EML4: variants seen among roughly 807,000 people sequenced by gnomAD.
EML4 encodes the protein echinoderm microtubule-associated protein-like 4.
EML4 carries 72 observed loss-of-function variants against 129.0 expected under a neutral mutation model. The observed-to-expected ratio is 0.56, with a 90% CI of 0.46 to 0.68. The LOEUF (loss-of-function observed/expected upper bound fraction) is 0.68. Among genes scored for constraint, EML4 ranks in the 30% least tolerant of loss-of-function variants. The pLI, the probability that EML4 is intolerant of heterozygous loss-of-function variation, is 0.00. For missense variants in EML4, 1,363 were observed against 1,190.6 expected, an observed-to-expected ratio of 1.14 and a Z score of -2.13; for synonymous variants, 532 against 405.0, an observed-to-expected ratio of 1.31 and a Z score of -3.77.
intron 1 of EML4, among the ~76,000 whole-genome samples, chr2:42,186,089 G>A (rs1287290993): frequency 6.6e-6 from 1 of 152,094 alleles, no homozygotes; most frequent in Non-Finnish European, 1.5e-5. Flanking sequence ...TCTTTAAAAA[G>A]TCTATGCTTT....
At chr2:42,172,554 T>C (rs1475391110) in intron 1 of EML4, among the ~76,000 whole-genome samples, 1 of 152,206 alleles carries the variant, frequency 6.6e-6, no homozygotes, top group Non-Finnish European at 1.5e-5. Context: ...TTCAGGCAAC[T>C]TGGCTGGCAG....
intron 6 of EML4, among the ~76,000 whole-genome samples, chr2:42,265,356 C>T (rs978302023): frequency 3.3e-5 from 5 of 152,292 alleles, no homozygotes; most frequent in South Asian, 2.1e-4. Context: ...CAGCCCGCCT[C>T]AGCCTCCCAA....
intron 2 of EML4, among the ~76,000 whole-genome samples, chr2:42,249,912 G>T (rs938903797): frequency 6.6e-6 from 1 of 152,072 alleles, no homozygotes; most frequent in Non-Finnish European, 1.5e-5. Context: ...AGTTGCAGCT[G>T]AATCCCTGCC....
intron 1 of EML4, among the ~76,000 whole-genome samples, chr2:42,182,809 A>T (rs1225315491): frequency 6.6e-6 from 1 of 152,192 alleles, no homozygotes; most frequent in Non-Finnish European, 1.5e-5. Context: ...TCAATGTTTC[A>T]TCAGGTTTGA....
At chr2:42,198,462 T>C (rs1320822985) in intron 1 of EML4, among the ~76,000 whole-genome samples, 5 of 152,096 alleles carry the variant, frequency 3.3e-5, no homozygotes, top group South Asian at 4.1e-4. Flanking sequence ...CCCAGCACTT[T>C]GGGAGGCCAA....
At chr2:42,190,787 A>G (rs1235889293) in intron 1 of EML4, among the ~76,000 whole-genome samples, 1 of 152,246 alleles carries the variant, frequency 6.6e-6, no homozygotes, top group Non-Finnish European at 1.5e-5. Flanking sequence ...CATAAACAAT[A>G]TGTAAACAAA....
chr2:42,284,509 A>G, intron 8 of EML4, 125 bp from the exon 9 acceptor site: 1 of 543,722 alleles, frequency 1.8e-6, no homozygotes, highest in Non-Finnish European at 3.2e-6. Context: ...TGATTTGCTG[A>G]AGAAAACAGA....
chr2:42,197,575 A>G (rs1267963011), intron 1 of EML4, among the ~76,000 whole-genome samples: 1 of 152,168 alleles, frequency 6.6e-6, no homozygotes. Flanking sequence ...CAGAAAAAAA[A>G]AACAAAATGG....
At chr2:42,251,373 G>A (rs1277424977) in intron 2 of EML4, among the ~76,000 whole-genome samples, 5 of 152,228 alleles carry the variant, frequency 3.3e-5, no homozygotes, top group Non-Finnish European at 7.3e-5. Context: ...ATTGGCAGGT[G>A]TTGCCTCAGA....
chr2:42,210,668 G>A (rs995718010), intron 1 of EML4, among the ~76,000 whole-genome samples: 3 of 151,980 alleles, frequency 2.0e-5, no homozygotes, highest in African/African-American at 7.3e-5. Context: ...ATTTCAGTAT[G>A]GACTCATGGA....
rs1366559395 is a variant in EML4, at chr2:42,264,101, G to GTTT, written c.642-604_642-603insTTT. On this transcript the variant is annotated intron_variant, in intron 5 of 22. Transcript: ENST00000318522. ...TTAAGGCTCCCAACTCAAACAATAC[G>GTTT]TGTTTTTTTTTTTTTTTTTTTTTTT... Among the ~76,000 whole-genome samples the GTTT allele has an allele frequency of 2.4e-4, 23 of 95,702 alleles. 4 individuals carry two copies. The highest frequency in any genetic ancestry group is 3.9e-4 in the Non-Finnish European group (18 of 46,548). The allele number at this position is 95,702 out of a possible 152,430, so 62.8% of individuals were successfully genotyped here. A position where few individuals can be genotyped will look rare whatever the true frequency, so the allele number is the denominator to read the frequency against.
chr2:42,313,516 C>G (rs1669073970), intron 17 of EML4, among the ~76,000 whole-genome samples: 1 of 151,858 alleles, frequency 6.6e-6, no homozygotes, highest in Non-Finnish European at 1.5e-5. Flanking sequence ...TAAACCATAC[C>G]ACTAAGCTTT....
In EML4 at chr2:42,330,129, G is replaced by C. The variant is rs1364989574; in HGVS notation, c.2868G>C (p.Glu956Asp). The change falls in exon 23 of 23, where the codon GAG becomes GAC. Residue 956 changes from glutamate to aspartate, a missense_variant. Physicochemically the swap from Glu to Asp is conservative, Grantham distance 45. Transcript: ENST00000318522. Reference sequence around the variant, plus strand: ...ACCTTGGTGAGCCTCTTTATGAAGAGCCATGCAACGAGATAAGCAAGGAGC... The same window carrying C: ...ACCTTGGTGAGCCTCTTTATGAAGACCCATGCAACGAGATAAGCAAGGAGC... Reference protein sequence around the residue: ...SGDLGEPLYEEPCNEISKEQA... With the variant: ...SGDLGEPLYEDPCNEISKEQA... 2 of 1,612,236 alleles carry C rather than the reference G, an allele frequency of 1.2e-6. No individual in the cohort carries two copies. The highest frequency in any genetic ancestry group is 1.7e-6 in the Non-Finnish European group (2 of 1,179,746).
chr2:42,301,283 G>A lies in EML4; in HGVS notation c.1532G>A (p.Ser511Asn), dbSNP rs773470128. 2 of 1,612,952 alleles carry A rather than the reference G, an allele frequency of 1.2e-6. No homozygotes were observed. The highest frequency in any genetic ancestry group is 1.7e-5 in the Admixed American group (1 of 59,808). ...ISKQIKAHDG[S>N]VFTLCQMRNG... ...AAACAAATCAAAGCTCATGATGGCAGTGTGTTCACACTTTGTCAGATGAGA... is the reference window on the plus strand; with the variant it reads ...AAACAAATCAAAGCTCATGATGGCAATGTGTTCACACTTTGTCAGATGAGA... The change falls in exon 14 of 23, where the codon AGT (serine) becomes AAT (asparagine). Residue 511 changes from serine to asparagine, a missense_variant. Coordinates refer to ENST00000318522, the MANE Select transcript of EML4 (RefSeq NM_019063.5).
chr2:42,301,984 T>C (rs1668310202), intron 14 of EML4, among the ~76,000 whole-genome samples: 1 of 152,110 alleles, frequency 6.6e-6, no homozygotes, highest in South Asian at 2.1e-4. Flanking sequence ...AGTTCAGTTA[T>C]TTGTATTTTT....
At chr2:42,253,876 CACAA>C (rs911781362) in intron 2 of EML4, among the ~76,000 whole-genome samples, 3 of 152,098 alleles carry the variant, frequency 2.0e-5, no homozygotes, top group Admixed American at 6.5e-5. Context: ...ATAAGTAGCA[CACAA>C]ACAAGCATAA....
At chr2:42,196,632 T>C (rs893434703) in intron 1 of EML4, among the ~76,000 whole-genome samples, 14 of 152,230 alleles carry the variant, frequency 9.2e-5, no homozygotes, top group Non-Finnish European at 1.5e-5. Flanking sequence ...TATCTAGTTA[T>C]CAGCGAAACA....
At chr2:42,291,754 C>G (rs1667655450) in intron 11 of EML4, among the ~76,000 whole-genome samples, 2 of 152,082 alleles carry the variant, frequency 1.3e-5, no homozygotes, top group East Asian at 3.8e-4. Flanking sequence ...ATACATACTT[C>G]CAACAAAACA....
Position 42,321,090 on chromosome 2 carries a change from T to C in EML4, c.2154+3566T>C, listed in dbSNP as rs188185807. Among the ~76,000 whole-genome samples the C allele has an allele frequency of 4.6e-4, 70 of 152,200 alleles. 2 individuals carry two copies. The East Asian group carries it at 0.011, about 24-fold the overall frequency. On this transcript the variant is annotated intron_variant, in intron 19 of 22. Transcript: ENST00000318522. The stretch of plus-strand genomic sequence containing the variant: ...GTATCACTGTGACGGTTAAGAATTA[T>C]GTGTAGTACCAGGCCGGGTGCTGTG...
Sources: gnomAD v4.1 joint callset for allele counts (sites outside exome capture counted in the v4.1 genomes callset) on GRCh38, gnomAD v4.1.1 for gene constraint, MANE v1.5 for transcripts, NCBI Gene and HGNC (gene_info 2026-07-23, HGNC 2026-07-21) for gene names.